The following KIF21A variants were observed in gnomAD, a reference collection of about 807,000 sequenced individuals.
KIF21A encodes kinesin family member 21A.
KIF21A carries 114 observed loss-of-function variants against 202.9 expected under a neutral mutation model. The ratio of observed to expected loss-of-function variants is 0.56; its 90% CI spans 0.48 to 0.66. The LOEUF (loss-of-function observed/expected upper bound fraction) is 0.66, where lower values mean the gene tolerates loss of function less well. Ranked by LOEUF, KIF21A falls within the 30% of genes least tolerant of loss-of-function variation. KIF21A has a pLI of 0.00. For missense variants in KIF21A, 1,677 were observed against 1,994.9 expected, an observed-to-expected ratio of 0.84 and a Z score of 3.04; for synonymous variants, 667 against 670.8, an observed-to-expected ratio of 0.99 and a Z score of 0.09.
intron 1 of KIF21A, among the ~76,000 whole-genome samples, chr12:39,424,631 A>G (rs1357419519): frequency 6.6e-6 from 1 of 152,148 alleles, no homozygotes; most frequent in African/African-American, 2.4e-5. Flanking sequence ...CAAGCCTAAG[A>G]ATCTACTTGA....
In KIF21A at chr12:39,407,700, A is replaced by G. The variant is rs186087604; in HGVS notation, c.44+35227T>C. The stretch of plus-strand genomic sequence containing the variant: ...TCAATCTCTTAGAAAGTCCTAGAGA[A>G]AATCCCATTATCATTTTAACAAATA... On this transcript the variant is annotated intron_variant, in intron 1 of 37. Transcript: ENST00000361418. Among the ~76,000 whole-genome samples, 463 of 152,270 alleles carry G rather than the reference A, an allele frequency of 3.0e-3. 1 individual carries two copies. The highest frequency in any genetic ancestry group is 5.4e-3 in the Non-Finnish European group (368 of 68,024).
At position 39,442,910 on chromosome 12, in the gene KIF21A, C is replaced by T. The variant is rs556613396; in HGVS notation, c.44+17G>A. ...CAACCCGCCGCCCGCCGCCCGCCGC[C>T]GGCAGACTGTCCTCACCTGACAGCC... is the stretch of plus-strand genomic sequence containing the variant. On this transcript the variant is annotated intron_variant, in intron 1 of 37. Transcript: ENST00000361418. The surrounding 1 kb of genome is among the most constrained non-coding windows in gnomAD (Gnocchi z 5.0). 4 of 1,524,084 alleles carry T rather than the reference C, an allele frequency of 2.6e-6. No individual in the cohort carries two copies. The African/African-American group carries it at 4.2e-5, about 16-fold the overall frequency. The allele number at this position is 1,524,084 out of a possible 1,614,324, so 94.4% of individuals were successfully genotyped here.
In KIF21A at chr12:39,334,707, A is replaced by G. The variant is rs551492820; in HGVS notation, c.2419-1427T>C. 2.6e-5 allele frequency among the ~76,000 whole-genome samples: 4 copies of G among 152,348 alleles called. No homozygotes were observed. In the East Asian group the frequency reaches 7.7e-4, roughly 29 times the overall value. On this transcript the variant is annotated intron_variant, in intron 17 of 37. Coordinates refer to ENST00000361418, the MANE Select transcript of KIF21A (RefSeq NM_001173464.2). ...CTAAGGGTTCAAAGATGAATATAAC[A>G]AGGAACAATTTTAAAAGGAGGTCAA...
rs1566429078 is a variant in KIF21A, at chr12:39,441,675, A to AC, written c.44+1251_44+1252insG. ...CCCTGGGTGGTAAAAAAAAAAAAAA[A>AC]AAAAACACTTAAAAACTCATTTTAT... On this transcript the variant is annotated intron_variant, in intron 1 of 37. Coordinates refer to ENST00000361418, the MANE Select transcript of KIF21A (RefSeq NM_001173464.2). 5.8e-4 allele frequency among the ~76,000 whole-genome samples: 86 copies of AC among 148,436 alleles called. 3 individuals are homozygous for AC. Among genetic ancestry groups the AC allele is most frequent in the African/African-American group, 2.0e-3 (83 of 40,708 alleles).
chr12:39,358,732 A>G (rs1948983364), intron 7 of KIF21A, among the ~76,000 whole-genome samples: 2 of 152,238 alleles, frequency 1.3e-5, no homozygotes, highest in East Asian at 1.9e-4. Flanking sequence ...TTCTTTCAGT[A>G]TTTTAAAAAT....
Position 39,402,298 on chromosome 12 carries a change from T to C in KIF21A, c.45-32037A>G, listed in dbSNP as rs547925107. Among the ~76,000 whole-genome samples the C allele has an allele frequency of 2.6e-5, 4 of 152,304 alleles. No homozygotes were observed. The East Asian group carries it at 7.7e-4, about 29-fold the overall frequency. ...GTAGAACAGGAGTTGGATCAATGTA[T>C]TTCTAGAAAGAAAGGCAAGGAGAAA... is the stretch of plus-strand genomic sequence containing the variant. On this transcript the variant is annotated intron_variant, in intron 1 of 37. Coordinates refer to ENST00000361418, the MANE Select transcript of KIF21A (RefSeq NM_001173464.2).
chr12:39,309,821 T>A lies in KIF21A; in HGVS notation c.4097-55A>T, dbSNP rs1943846309. On this transcript the variant is annotated intron_variant, in intron 32 of 37. Transcript: ENST00000361418. ...ACCATTAATATGAACTACTTTAGGTTCTCTTAACAATAAAAATTATTTAAA... is the reference window on the plus strand; with the variant it reads ...ACCATTAATATGAACTACTTTAGGTACTCTTAACAATAAAAATTATTTAAA... The A allele has an allele frequency of 8.0e-6, 11 of 1,369,200 alleles. No individual in the cohort carries two copies. In the Admixed American group the frequency reaches 2.1e-4, roughly 26 times the overall value. 84.8% of individuals were successfully genotyped at this position (1,369,200 alleles called of 1,614,324 possible).
At chr12:39,391,413 AT>A in intron 1 of KIF21A, among the ~76,000 whole-genome samples, 1 of 152,000 alleles carries the variant, frequency 6.6e-6, no homozygotes, top group East Asian at 1.9e-4. Context: ...CCTGAACTAA[AT>A]TTAGTGGTGT....
At chr12:39,340,861 G>T (rs1592235905) in intron 15 of KIF21A, 45 bp downstream of exon 15, 2 of 1,355,546 alleles carry the variant, frequency 1.5e-6, no homozygotes, top group South Asian at 1.2e-5. Context: ...AACCCATTTT[G>T]AAGATTTAGC....
intron 7 of KIF21A, among the ~76,000 whole-genome samples, chr12:39,360,553 C>A (rs935949298): frequency 7.9e-5 from 12 of 152,188 alleles, no homozygotes; most frequent in African/African-American, 2.9e-4. Context: ...CCATGCCCAG[C>A]TAATTTTTGT....
chr12:39,384,661 T>C (rs980996150), intron 1 of KIF21A, among the ~76,000 whole-genome samples: 2 of 152,176 alleles, frequency 1.3e-5, no homozygotes, highest in Non-Finnish European at 2.9e-5. Context: ...TACTATAAAC[T>C]TGGAACCTTA....
At chr12:39,378,654 C>A (rs1484926839) in intron 1 of KIF21A, among the ~76,000 whole-genome samples, 1 of 152,168 alleles carries the variant, frequency 6.6e-6, no homozygotes, top group Non-Finnish European at 1.5e-5. Context: ...CAGAAAATTT[C>A]ATTTGGTCAA....
intron 24 of KIF21A, among the ~76,000 whole-genome samples, chr12:39,328,772 C>T (rs1012910991): frequency 1.3e-5 from 2 of 152,166 alleles, no homozygotes; most frequent in African/African-American, 2.4e-5. Flanking sequence ...GCCCCTCTGC[C>T]TGGAGCAACT....
At chr12:39,395,934 AC>A in intron 1 of KIF21A, among the ~76,000 whole-genome samples, 1 of 147,990 alleles carries the variant, frequency 6.8e-6, no homozygotes, top group Non-Finnish European at 1.5e-5. Context: ...CTCTCTAAAC[AC>A]CCCACTCCAG....
At chr12:39,327,468 A>C (rs1946064906) in intron 24 of KIF21A, among the ~76,000 whole-genome samples, 1 of 152,188 alleles carries the variant, frequency 6.6e-6, no homozygotes, top group Admixed American at 6.5e-5. Flanking sequence ...TTAGTCAGTA[A>C]CATAGAAAAT....
chr12:39,434,004 G>T (rs1257563981), intron 1 of KIF21A, among the ~76,000 whole-genome samples: 1 of 152,210 alleles, frequency 6.6e-6, no homozygotes, highest in African/African-American at 2.4e-5. Context: ...CCAATTGCTA[G>T]AGTTTGGAAT....
At chr12:39,322,082 G>A (rs1011510053) in intron 27 of KIF21A, 1 of 152,246 alleles carries the variant, frequency 6.6e-6, no homozygotes, top group Non-Finnish European at 1.5e-5. Flanking sequence ...TCATAGGAAA[G>A]AGAATATTTC....
In KIF21A at chr12:39,330,915, A is replaced by C. The variant is rs1946451349; in HGVS notation, c.3154-4T>G. 6.2e-7 allele frequency: 1 copy of C among 1,613,704 alleles called. No homozygotes were observed. Among genetic ancestry groups the C allele is most frequent in the Non-Finnish European group, 8.5e-7 (1 of 1,179,764 alleles). On this transcript the variant is annotated splice_polypyrimidine_tract_variant and splice_region_variant and intron_variant, in intron 22 of 37. Transcript: ENST00000361418. ...CTTTCTGGGCAGCCTGAAGACCCTG[A>C]AACACAACAAAAAATTATCTTAGGT...
chr12:39,433,055 T>C (rs903607344), intron 1 of KIF21A, among the ~76,000 whole-genome samples: 1 of 152,222 alleles, frequency 6.6e-6, no homozygotes, highest in African/African-American at 2.4e-5. Flanking sequence ...AAAATGCTAG[T>C]AGTAATTGTA....
Sources: allele counts gnomAD v4.1 joint callset (sites outside exome capture counted in the v4.1 genomes callset), GRCh38; gene constraint gnomAD v4.1.1; non-coding constraint Gnocchi (gnomAD v3.1); transcripts MANE v1.5; gene names NCBI Gene and HGNC (gene_info 2026-07-23, HGNC 2026-07-21).